RSPO2: variants seen among roughly 807,000 people sequenced by gnomAD.
The protein encoded by RSPO2 is R-spondin 2, also known as R-spondin-2.
Under a neutral mutation model 30.9 loss-of-function variants are expected in RSPO2, and 14 were observed. The observed-to-expected ratio is 0.45, with a 90% CI of 0.30 to 0.71. RSPO2 has a LOEUF of 0.71. RSPO2 is among the 30% of genes least tolerant of loss of function. The probability of loss-of-function intolerance (pLI) is 0.08; values close to 1 mark genes in which losing one functional copy is unlikely to be tolerated. For synonymous variants in RSPO2, 107 were observed against 96.4 expected, an observed-to-expected ratio of 1.11 and a Z score of -0.64; for missense variants, 264 against 301.9, an observed-to-expected ratio of 0.87 and a Z score of 0.93.
intron 2 of RSPO2, among the ~76,000 whole-genome samples, chr8:108,073,802 T>C (rs1490643281): frequency 2.6e-5 from 4 of 152,212 alleles, no homozygotes; most frequent in Admixed American, 2.6e-4. Context: ...CTTGAGACAG[T>C]GCTTCCAGTG....
rs1389739780 is a variant in RSPO2 at position 107,960,664 on chromosome 8, AACT to A, written c.427+7_427+9del. The A allele has an allele frequency of 2.5e-6, 4 of 1,603,888 alleles. No homozygotes were observed. Among genetic ancestry groups the A allele is most frequent in the Non-Finnish European group, 3.4e-6 (4 of 1,177,562 alleles). On this transcript the variant is annotated splice_region_variant and intron_variant, in intron 4 of 5. Coordinates refer to ENST00000276659, the MANE Select transcript of RSPO2 (RefSeq NM_178565.5). ...GTTGCAGATTGAGAGTTACATTAAA[AACT>A]ACTCACCCACACATTCCATGGTTTC...
At chr8:108,000,413 G>A (rs1336927186) in intron 2 of RSPO2, among the ~76,000 whole-genome samples, 1 of 152,108 alleles carries the variant, frequency 6.6e-6, no homozygotes, top group Non-Finnish European at 1.5e-5. Context: ...ATCTGGTGGG[G>A]GAGTCAGAGA....
chr8:107,952,289 G>GCACA lies in RSPO2; in HGVS notation c.616+5787_616+5790dup, dbSNP rs60942015. 6.5e-3 allele frequency among the ~76,000 whole-genome samples: 963 copies of GCACA among 149,024 alleles called. 9 individuals carry two copies. The highest frequency in any genetic ancestry group is 0.021 in the African/African-American group (854 of 40,602). ...AATCACTTAAAACACACACACACAT[G>GCACA]CACACACACACACACACACACACAC... On this transcript the variant is annotated intron_variant, in intron 5 of 5. Coordinates refer to ENST00000276659, the MANE Select transcript of RSPO2 (RefSeq NM_178565.5).
intron 2 of RSPO2, among the ~76,000 whole-genome samples, chr8:108,018,156 C>G: frequency 6.6e-6 from 1 of 152,140 alleles, no homozygotes; most frequent in East Asian, 1.9e-4. Flanking sequence ...TCACTTAAAT[C>G]TGGCAGAAAA....
chr8:108,047,418 G>A (rs1165636189), intron 2 of RSPO2, among the ~76,000 whole-genome samples: 2 of 152,180 alleles, frequency 1.3e-5, no homozygotes, highest in Non-Finnish European at 2.9e-5. Flanking sequence ...TGGCACACTT[G>A]ACCATATATG....
chr8:108,014,492 C>T (rs1313271597), intron 2 of RSPO2, among the ~76,000 whole-genome samples: 1 of 152,164 alleles, frequency 6.6e-6, no homozygotes, highest in Non-Finnish European at 1.5e-5. Context: ...GGCACATACA[C>T]ACCATGGAAT....
intron 2 of RSPO2, among the ~76,000 whole-genome samples, chr8:108,077,983 AAT>A (rs781057861): frequency 1.6e-4 from 24 of 152,172 alleles, no homozygotes; most frequent in Non-Finnish European, 3.2e-4. Flanking sequence ...TTCCAAAAGA[AAT>A]AGTTTAAAGG....
chr8:108,075,036 T>C (rs891012530), intron 2 of RSPO2, among the ~76,000 whole-genome samples: 3 of 152,176 alleles, frequency 2.0e-5, no homozygotes, highest in Non-Finnish European at 2.9e-5. Context: ...GATTAAATTT[T>C]TTCCTGTACT....
At chr8:107,995,634 T>C (rs529778365) in intron 2 of RSPO2, among the ~76,000 whole-genome samples, 87 of 152,228 alleles carry the variant, frequency 5.7e-4, no homozygotes, top group African/African-American at 1.9e-3. Flanking sequence ...TCATTCAAGA[T>C]CTCATTCTCA....
chr8:108,079,199 T>G (rs1048016264), intron 2 of RSPO2, among the ~76,000 whole-genome samples: 16 of 151,750 alleles, frequency 1.1e-4, no homozygotes, highest in African/African-American at 3.9e-4. Flanking sequence ...AAAATAAGAG[T>G]TATTAATCAG....
At chr8:107,973,524 ACACACACT>A (rs1452731337) in intron 3 of RSPO2, among the ~76,000 whole-genome samples, 1 of 29,262 alleles carries the variant, frequency 3.4e-5, no homozygotes, top group African/African-American at 1.2e-4. Context: ...ACACACACAG[ACACACACT>A]CACACACACA....
At chr8:107,913,722 A>C (rs4735023) in intron 5 of RSPO2, among the ~76,000 whole-genome samples, 14,725 of 150,362 alleles carry the variant, frequency 0.098, 833 homozygotes, top group East Asian at 0.18. Context: ...AGTTAATTAT[A>C]TTTTACAAAC....
intron 2 of RSPO2, among the ~76,000 whole-genome samples, chr8:108,065,302 AAAAAG>A (rs1254395827): frequency 2.0e-4 from 31 of 151,750 alleles, no homozygotes; most frequent in Non-Finnish European, 2.9e-4. Flanking sequence ...AAAAAAAAAA[AAAAAG>A]AAGAGTACTA....
chr8:108,028,882 A>G (rs908570838), intron 2 of RSPO2, among the ~76,000 whole-genome samples: 2 of 152,044 alleles, frequency 1.3e-5, no homozygotes, highest in Non-Finnish European at 2.9e-5. Flanking sequence ...CTTGGCCTCT[A>G]TCACTTTCAT....
intron 5 of RSPO2, among the ~76,000 whole-genome samples, chr8:107,948,876 A>AATAAATAT (rs1345460568): frequency 6.6e-6 from 1 of 151,496 alleles, no homozygotes; most frequent in Non-Finnish European, 1.5e-5. Context: ...AAAATAAATA[A>AATAAATAT]ATAAATAAAT....
chr8:107,916,571 G>T (rs1280529207), intron 5 of RSPO2, among the ~76,000 whole-genome samples: 1 of 152,138 alleles, frequency 6.6e-6, no homozygotes, highest in East Asian at 1.9e-4. Context: ...TTATAAGAAG[G>T]CATGGGAATA....
chr8:108,017,745 T>C (rs983140711), intron 2 of RSPO2, among the ~76,000 whole-genome samples: 1 of 152,208 alleles, frequency 6.6e-6, no homozygotes, highest in Admixed American at 6.5e-5. Context: ...ATATGGTTAT[T>C]TCATTTTAAT....
Position 108,082,550 on chromosome 8 carries a change from T to C in RSPO2, c.89A>G (p.Lys30Arg). The C allele has an allele frequency of 6.2e-7, 1 of 1,613,790 alleles. No individual in the cohort carries two copies. Among genetic ancestry groups the C allele is most frequent in the South Asian group, 1.1e-5 (1 of 91,080 alleles). Reference sequence around the variant, plus strand: ...TTTGGCAGAGAGGGACCCACCTCGCTTACTGCGTCTCCATCGGTTGCCTTG... The same window carrying C: ...TTTGGCAGAGAGGGACCCACCTCGCCTACTGCGTCTCCATCGGTTGCCTTG... ...HCQGNRWRRS[K>R]RASYVSNPIC... is the part of the protein sequence containing the mutation. Residue 30 changes from lysine to arginine, a missense_variant, in exon 2 of 6, where the codon AAG (lysine) becomes AGG (arginine). Lys to Arg is a conservative substitution (Grantham distance 26). Transcript: ENST00000276659.
intron 2 of RSPO2, among the ~76,000 whole-genome samples, chr8:108,043,955 G>A (rs1381816477): frequency 1.3e-5 from 2 of 151,880 alleles, no homozygotes; most frequent in Non-Finnish European, 2.9e-5. Context: ...CAATACAAAA[G>A]CAATGTTTTT....
Sources: allele counts gnomAD v4.1 joint callset (sites outside exome capture counted in the v4.1 genomes callset), GRCh38; gene constraint gnomAD v4.1.1; transcripts MANE v1.5; gene names NCBI Gene and HGNC (gene_info 2026-07-23, HGNC 2026-07-21).